CLASP1: variants seen among roughly 807,000 people sequenced by gnomAD.
CLASP1 encodes the protein CLIP-associating protein 1.
Under a neutral mutation model 192.3 loss-of-function variants are expected in CLASP1, and 38 were observed. That is an observed-to-expected ratio of 0.20 (90% CI 0.15 to 0.26). The LOEUF (loss-of-function observed/expected upper bound fraction) is 0.26. Ranked by LOEUF, CLASP1 falls within the 10% of genes least tolerant of loss-of-function variation. The pLI is 1.00. For synonymous variants in CLASP1, 691 were observed against 712.8 expected (o/e 0.97, Z 0.49); for missense variants, 1,433 against 1,932.5 (o/e 0.74, Z 4.85).
At chr2:121,484,825 C>T (rs941097628) in intron 8 of CLASP1, among the ~76,000 whole-genome samples, 6 of 152,150 alleles carry the variant, frequency 3.9e-5, no homozygotes, top group Middle Eastern at 3.2e-3. Context: ...GGCTAGTTGC[C>T]ACCTGACTTG....
intron 32 of CLASP1, 53 bp from the exon 34 acceptor site, chr2:121,382,377 G>T: frequency 8.9e-7 from 1 of 1,121,160 alleles, no homozygotes; most frequent in Non-Finnish European, 1.3e-6. Context: ...AAGCAAAGGG[G>T]AGGGGAGGAG....
At chr2:121,550,444 C>A (rs1407712630) in intron 2 of CLASP1, among the ~76,000 whole-genome samples, 1 of 151,406 alleles carries the variant, frequency 6.6e-6, no homozygotes, top group Admixed American at 6.6e-5. Flanking sequence ...TTTAAAAAAT[C>A]GACAAATCCG....
intron 8 of CLASP1, among the ~76,000 whole-genome samples, chr2:121,496,488 T>C (rs2093538128): frequency 1.3e-5 from 2 of 152,032 alleles, no homozygotes; most frequent in African/African-American, 2.4e-5. Context: ...TAAGAATCCA[T>C]GGGAAAAAGC....
intron 19 of CLASP1, chr2:121,444,943 C>A (rs752140762): frequency 7.4e-6 from 10 of 1,359,302 alleles, no homozygotes; most frequent in Non-Finnish European, 9.8e-6. Context: ...GCTTACCCTC[C>A]GCTTTAGTGG....
intron 20 of CLASP1, 139 bp from the exon 21 acceptor site, chr2:121,427,569 C>G: frequency 1.3e-6 from 1 of 781,642 alleles, no homozygotes. Context: ...TTTCCTAGGA[C>G]TTGTTCCTCC....
At chr2:121,438,063 T>A (rs1018460129) in intron 19 of CLASP1, among the ~76,000 whole-genome samples, 4 of 152,232 alleles carry the variant, frequency 2.6e-5, no homozygotes, top group African/African-American at 9.6e-5. Context: ...TTATTCTTTT[T>A]CTCTGCTGCC....
At chr2:121,488,157 C>CT (rs1314200919) in intron 8 of CLASP1, among the ~76,000 whole-genome samples, 2 of 152,154 alleles carry the variant, frequency 1.3e-5, no homozygotes, top group African/African-American at 4.8e-5. Flanking sequence ...TGGATGGTTT[C>CT]TTTTTACAAG....
intron 2 of CLASP1, among the ~76,000 whole-genome samples, chr2:121,533,413 C>T (rs569156031): frequency 2.6e-5 from 4 of 152,172 alleles, no homozygotes; most frequent in Non-Finnish European, 5.9e-5. Context: ...CTAACCTCCT[C>T]ATCTGTAAAA....
At position 121,567,403 on chromosome 2, in the gene CLASP1, C is replaced by A. The variant is rs567668640; in HGVS notation, c.196-37078G>T. On this transcript the variant is annotated intron_variant, in intron 2 of 39. Coordinates refer to ENST00000263710, the Ensembl canonical transcript of CLASP1. The stretch of plus-strand genomic sequence containing the variant: ...GTGGAACTTCTCCAGACTGCTCCAG[C>A]ATTGCTCGGCACTATTTCCACCTGG... 2.2e-4 allele frequency among the ~76,000 whole-genome samples: 34 copies of A among 152,330 alleles called. No homozygotes were observed. In the South Asian group the frequency reaches 5.2e-3, roughly 23 times the overall value.
At chr2:121,446,093 A>G (rs766150141) in intron 19 of CLASP1, among the ~76,000 whole-genome samples, 16 of 152,204 alleles carry the variant, frequency 1.1e-4, no homozygotes, top group Admixed American at 6.5e-4. Flanking sequence ...TTAAAAAGAG[A>G]GTTCTTAATG....
intron 1 of CLASP1, among the ~76,000 whole-genome samples, chr2:121,642,448 T>G (rs2072296272): frequency 6.7e-6 from 1 of 149,856 alleles, no homozygotes; most frequent in East Asian, 2.0e-4. Flanking sequence ...GTCAAAACTC[T>G]CAGGCCAGGT....
intron 26 of CLASP1, among the ~76,000 whole-genome samples, 162 bp from the exon 28 acceptor site, chr2:121,402,032 A>G (rs1234721791): frequency 6.6e-6 from 1 of 152,260 alleles, no homozygotes; most frequent in Non-Finnish European, 1.5e-5. Context: ...TTTAAAAAGC[A>G]GTACAGAGAG....
chr2:121,395,383 A>T (rs2075108738), intron 30 of CLASP1, among the ~76,000 whole-genome samples: 1 of 152,222 alleles, frequency 6.6e-6, no homozygotes, highest in Non-Finnish European at 1.5e-5. Flanking sequence ...TTTGAAATGA[A>T]ATAATTTCCA....
intron 19 of CLASP1, among the ~76,000 whole-genome samples, chr2:121,446,786 T>C (rs547819269): frequency 6.6e-6 from 1 of 152,308 alleles, no homozygotes; most frequent in South Asian, 2.1e-4. Flanking sequence ...AGGTGATACA[T>C]GGAAGGACAA....
chr2:121,472,655 G>A (rs1031842933), intron 8 of CLASP1, among the ~76,000 whole-genome samples: 1 of 152,206 alleles, frequency 6.6e-6, no homozygotes, highest in Non-Finnish European at 1.5e-5. Flanking sequence ...ACAGAAAGAG[G>A]GCTACAGGAA....
chr2:121,518,096 T>C (rs2094360858), intron 6 of CLASP1, among the ~76,000 whole-genome samples: 1 of 150,554 alleles, frequency 6.6e-6, no homozygotes, highest in South Asian at 2.1e-4. Flanking sequence ...CTGGGCGTGG[T>C]GGCACACACC....
chr2:121,586,863 T>C (rs114998019), intron 2 of CLASP1, among the ~76,000 whole-genome samples: 4 of 152,330 alleles, frequency 2.6e-5, no homozygotes, highest in Admixed American at 6.5e-5. Context: ...GCTCTGAGCA[T>C]ACTTTTCTCA....
At chr2:121,470,925 CA>C (rs2090605406) in intron 8 of CLASP1, among the ~76,000 whole-genome samples, 1 of 152,092 alleles carries the variant, frequency 6.6e-6, no homozygotes, top group African/African-American at 2.4e-5. Context: ...TGAAGATGAA[CA>C]TTTTTTTCGT....
Position 121,502,248 on chromosome 2 carries a change from G to A in CLASP1, c.712+919C>T, listed in dbSNP as rs148179394. On this transcript the variant is annotated intron_variant, in intron 8 of 39. Coordinates refer to ENST00000263710, the Ensembl canonical transcript of CLASP1. ...TCACAAGCCAGGGACTCTTCAAGGC[G>A]TTGAATTTATGCTCATTGAGAAAAA... is the stretch of plus-strand genomic sequence containing the variant. Among the ~76,000 whole-genome samples, 42 of 152,192 alleles carry A rather than the reference G, an allele frequency of 2.8e-4. No individual in the cohort carries two copies. In the East Asian group the frequency reaches 7.0e-3, roughly 25 times the overall value.
Sources: gnomAD v4.1 joint callset for allele counts (sites outside exome capture counted in the v4.1 genomes callset) on GRCh38, gnomAD v4.1.1 for gene constraint, MANE v1.5 for transcripts, NCBI Gene and HGNC (gene_info 2026-07-23, HGNC 2026-07-21) for gene names.